The following DAPK1 variants were observed in gnomAD, a reference collection of about 807,000 sequenced individuals.
The protein encoded by DAPK1 is death-associated protein kinase 1.
A neutral mutation model predicts 144.9 loss-of-function variants in DAPK1; 56 were observed. The observed-to-expected ratio is 0.39, with a 90% confidence interval of 0.31 to 0.48. The LOEUF (loss-of-function observed/expected upper bound fraction) is 0.48. DAPK1 is among the 20% of genes least tolerant of loss of function. The pLI is 0.95. For missense variants in DAPK1, 1,454 were observed against 1,875.4 expected, an observed-to-expected ratio of 0.78 and a Z score of 4.15; for synonymous variants, 690 against 749.0, an observed-to-expected ratio of 0.92 and a Z score of 1.29.
intron 17 of DAPK1, among the ~76,000 whole-genome samples, chr9:87,655,122 C>T (rs766186878): frequency 3.3e-5 from 5 of 152,176 alleles, no homozygotes; most frequent in Admixed American, 6.5e-5. Flanking sequence ...GAATGAAGCT[C>T]AGCTGATGTG....
At chr9:87,562,785 A>T (rs926890200) in intron 2 of DAPK1, among the ~76,000 whole-genome samples, 3 of 152,222 alleles carry the variant, frequency 2.0e-5, no homozygotes, top group African/African-American at 7.2e-5. Context: ...AAATAATAGC[A>T]TGTCAGGTGC....
chr9:87,666,477 GTTTTTT>G (rs71354777), intron 18 of DAPK1, among the ~76,000 whole-genome samples: 1 of 139,982 alleles, frequency 7.1e-6, no homozygotes, highest in African/African-American at 2.6e-5. Flanking sequence ...TTTTGTTTTT[GTTTTTT>G]TTTTTTTTGA....
Position 87,686,917 on chromosome 9 carries a change from T to C in DAPK1, c.2413+178T>C. On this transcript the variant is annotated intron_variant, in intron 21 of 25. Transcript: ENST00000408954. This position sits in a 1 kb window ranked among gnomAD's most constrained non-coding sequence, Gnocchi z 4.2. ...ATGGCTGGCTACCATCCCTAAACAGTGAAATTAAACACTGGGGTATTGTCA... is the reference window on the plus strand; with the variant it reads ...ATGGCTGGCTACCATCCCTAAACAGCGAAATTAAACACTGGGGTATTGTCA... 1.1e-6 allele frequency: 1 copy of C among 934,608 alleles called. No individual in the cohort carries two copies. Among genetic ancestry groups the C allele is most frequent in the Non-Finnish European group, 1.3e-6 (1 of 783,530 alleles). The allele number at this position is 934,608 out of a possible 1,614,324, so 57.9% of individuals were successfully genotyped here. A position where few individuals can be genotyped will look rare whatever the true frequency, so the allele number is the denominator to read the frequency against.
intron 25 of DAPK1, among the ~76,000 whole-genome samples, chr9:87,703,996 A>G (rs948125366): frequency 6.6e-6 from 1 of 151,950 alleles, no homozygotes; most frequent in Non-Finnish European, 1.5e-5. Flanking sequence ...CCAGATGCTT[A>G]CCTCCCCAAT....
At chr9:87,562,232 T>C (rs1177471771) in intron 2 of DAPK1, among the ~76,000 whole-genome samples, 1 of 152,208 alleles carries the variant, frequency 6.6e-6, no homozygotes, top group Admixed American at 6.5e-5. Context: ...ATCATAGTTA[T>C]ACTGAGTTAG....
intron 2 of DAPK1, among the ~76,000 whole-genome samples, chr9:87,564,498 G>A: frequency 6.6e-6 from 1 of 152,036 alleles, no homozygotes; most frequent in East Asian, 1.9e-4. Context: ...GCTGGAGGCT[G>A]GGAGGTCCAA....
intron 18 of DAPK1, among the ~76,000 whole-genome samples, chr9:87,659,000 C>G (rs1299168633): frequency 6.6e-6 from 1 of 152,246 alleles, no homozygotes; most frequent in East Asian, 1.9e-4. Flanking sequence ...TATTGGGACA[C>G]AGCCATGCCC....
intron 3 of DAPK1, among the ~76,000 whole-genome samples, chr9:87,609,373 A>T (rs1828846240): frequency 6.6e-6 from 1 of 152,172 alleles, no homozygotes; most frequent in African/African-American, 2.4e-5. Flanking sequence ...TCTCTGGAGA[A>T]CCCTGATAAT....
chr9:87,580,029 T>A (rs1827696892), intron 2 of DAPK1, among the ~76,000 whole-genome samples: 1 of 152,178 alleles, frequency 6.6e-6, no homozygotes, highest in Non-Finnish European at 1.5e-5. Context: ...GCTGTTTTCA[T>A]TGAAGCTGGA....
rs1489124327 is a variant in DAPK1 at position 87,697,021 on chromosome 9, A to G, written c.2428A>G (p.Ser810Gly). 2 of 1,574,240 alleles carry G rather than the reference A, an allele frequency of 1.3e-6. No homozygotes were observed. Among genetic ancestry groups the G allele is most frequent in the Admixed American group, 3.3e-5 (2 of 59,974 alleles). Residue 810 changes from serine (S) to glycine (G), a missense_variant, in exon 22 of 26, where the codon AGC becomes GGC. Transcript: ENST00000408954. ...TTTTTCTGTAGGAGTTGGCGATTTC[A>G]GCGTGTGGGAGTTCTCTGGAAATCC... is the stretch of plus-strand genomic sequence containing the variant. Reference protein sequence around the residue: ...NAYLNGVGDFSVWEFSGNPVY... With the variant: ...NAYLNGVGDFGVWEFSGNPVY...
intron 24 of DAPK1, among the ~76,000 whole-genome samples, chr9:87,702,439 T>C (rs749349023): frequency 6.6e-6 from 1 of 152,186 alleles, no homozygotes; most frequent in Non-Finnish European, 1.5e-5. Context: ...ACACTCACTC[T>C]AATATTGATG....
At chr9:87,567,869 T>C (rs529451594) in intron 2 of DAPK1, among the ~76,000 whole-genome samples, 3 of 152,368 alleles carry the variant, frequency 2.0e-5, no homozygotes, top group Admixed American at 2.0e-4. Context: ...ATGGGCATAC[T>C]GCTCCATCAT....
In DAPK1 at chr9:87,583,131, A is replaced by G. The variant is rs923456377; in HGVS notation, c.63-21823A>G. Among the ~76,000 whole-genome samples, 3 of 152,182 alleles carry G rather than the reference A, an allele frequency of 2.0e-5. No homozygotes were observed. In the East Asian group the frequency reaches 5.8e-4, roughly 29 times the overall value. On this transcript the variant is annotated intron_variant, in intron 2 of 25. Coordinates refer to ENST00000408954, the MANE Select transcript of DAPK1 (RefSeq NM_004938.4). ...AAGGAAATAGGCAAAGAAATGGTAA[A>G]TAAGGAGAAAGACTCTTAAGAGGTT...
intron 2 of DAPK1, among the ~76,000 whole-genome samples, chr9:87,551,791 G>A (rs1408452018): frequency 6.6e-6 from 1 of 152,196 alleles, no homozygotes; most frequent in African/African-American, 2.4e-5. Flanking sequence ...AACCAAGCCG[G>A]AGAGAGTCAC....
In DAPK1 at chr9:87,620,451, C is replaced by T. The variant is rs866318592; in HGVS notation, c.284+15276C>T. ...GCTAAAGAACAGGCAGCACATCCTT[C>T]GGATCAGCTGTGTGCCTCTGATGGG... On this transcript the variant is annotated intron_variant, in intron 3 of 25. Transcript: ENST00000408954. Among the ~76,000 whole-genome samples the T allele has an allele frequency of 6.6e-5, 10 of 152,194 alleles. No homozygotes were observed. In the Middle Eastern group the frequency reaches 0.014, roughly 207 times the overall value.
chr9:87,640,518 C>A, intron 8 of DAPK1, 68 bp downstream of exon 8: 1 of 1,525,462 alleles, frequency 6.6e-7, no homozygotes, highest in Non-Finnish European at 8.9e-7. Flanking sequence ...GTGTCTGTTC[C>A]ATGCACAGGG....
intron 3 of DAPK1, among the ~76,000 whole-genome samples, chr9:87,621,247 G>A (rs187174743): frequency 6.6e-6 from 1 of 152,178 alleles, no homozygotes; most frequent in Admixed American, 6.5e-5. Flanking sequence ...GGCTGGAGAT[G>A]ATCACCTGGA....
At chr9:87,582,883 A>G (rs1827801120) in intron 2 of DAPK1, among the ~76,000 whole-genome samples, 2 of 151,966 alleles carry the variant, frequency 1.3e-5, no homozygotes, top group Non-Finnish European at 1.5e-5. Flanking sequence ...GGGTCACTGT[A>G]CCATAAAAGA....
intron 19 of DAPK1, among the ~76,000 whole-genome samples, chr9:87,681,049 C>T (rs1824597363): frequency 6.6e-6 from 1 of 152,148 alleles, no homozygotes; most frequent in Non-Finnish European, 1.5e-5. Context: ...GAGGCCAAGG[C>T]GGGCGGATCA....
Sources: gnomAD v4.1 joint callset for allele counts (sites outside exome capture counted in the v4.1 genomes callset) on GRCh38, gnomAD v4.1.1 for gene constraint, Gnocchi (gnomAD v3.1) non-coding constraint, MANE v1.5 for transcripts, NCBI Gene and HGNC (gene_info 2026-07-23, HGNC 2026-07-21) for gene names.